The following CCDC7 variants were observed in gnomAD, a reference collection of about 807,000 sequenced individuals.
CCDC7 encodes coiled-coil domain containing 7.
Under a neutral mutation model 196.9 loss-of-function variants are expected in CCDC7, and 183 were observed. The observed-to-expected ratio is 0.93, with a 90% CI of 0.82 to 1.05. The LOEUF (loss-of-function observed/expected upper bound fraction) is 1.05, where lower values mean the gene tolerates loss of function less well. CCDC7 is among the 50% of genes least tolerant of loss of function. The probability of loss-of-function intolerance (pLI) is 0.00; values close to 1 mark genes in which losing one functional copy is unlikely to be tolerated. For synonymous variants in CCDC7, 525 were observed against 484.6 expected (o/e 1.08, Z -1.10); for missense variants, 1,540 against 1,482.2 (o/e 1.04, Z -0.64).
intron 11 of CCDC7, among the ~76,000 whole-genome samples, chr10:32,538,497 C>T (rs1455469204): frequency 2.0e-5 from 3 of 152,312 alleles, no homozygotes; most frequent in East Asian, 1.9e-4. Context: ...CCCGATTGCT[C>T]TTGCCAGGAC....
intron 8 of CCDC7, among the ~76,000 whole-genome samples, chr10:32,491,371 C>G (rs977617521): frequency 6.6e-6 from 1 of 152,032 alleles, no homozygotes. Context: ...CCCAATAGTT[C>G]ATTGATTATT....
intron 9 of CCDC7, among the ~76,000 whole-genome samples, chr10:32,492,971 A>G (rs1589151491): frequency 6.6e-6 from 1 of 152,102 alleles, no homozygotes; most frequent in Non-Finnish European, 1.5e-5. Flanking sequence ...ACAAAATTAT[A>G]TATATTTATG....
Position 32,875,603 on chromosome 10 carries a change from C to T in CCDC7, c.4112-744C>T, listed in dbSNP as rs551104292. Among the ~76,000 whole-genome samples, 6 of 151,964 alleles carry T rather than the reference C, an allele frequency of 3.9e-5. No individual in the cohort carries two copies. In the South Asian group the frequency reaches 1.2e-3, roughly 32 times the overall value. On this transcript the variant is annotated intron_variant, in intron 41 of 41. Transcript: ENST00000639629. Reference sequence around the variant, plus strand: ...CAAATCAATCAAATTATTTTTAAGTCCTTTATATTTAGATCTATCATAGCT... The same window carrying T: ...CAAATCAATCAAATTATTTTTAAGTTCTTTATATTTAGATCTATCATAGCT...
At chr10:32,705,566 G>C (rs546134820) in intron 24 of CCDC7, among the ~76,000 whole-genome samples, 6 of 152,104 alleles carry the variant, frequency 3.9e-5, no homozygotes, top group African/African-American at 1.4e-4. Flanking sequence ...GCTATATTCA[G>C]GAGACCCATC....
At chr10:32,718,213 G>GC (rs777173003) in intron 25 of CCDC7, among the ~76,000 whole-genome samples, 169 of 152,284 alleles carry the variant, frequency 1.1e-3, no homozygotes, top group Non-Finnish European at 2.0e-3. Flanking sequence ...TCCCTGGGAT[G>GC]CAAGACTGGT....
chr10:32,759,241 T>G (rs1405935190), intron 28 of CCDC7, among the ~76,000 whole-genome samples: 4 of 152,146 alleles, frequency 2.6e-5, no homozygotes, highest in Non-Finnish European at 5.9e-5. Context: ...TGGAGAAAAC[T>G]ACTTTAAAGT....
chr10:32,506,076 C>T (rs1259255358), intron 9 of CCDC7, among the ~76,000 whole-genome samples: 10 of 143,812 alleles, frequency 7.0e-5, no homozygotes, highest in East Asian at 2.2e-4. Context: ...GGGTGGCGGC[C>T]GGGCAGAGGT....
chr10:32,564,199 G>T (rs1589946037), intron 13 of CCDC7, among the ~76,000 whole-genome samples: 4 of 152,176 alleles, frequency 2.6e-5, no homozygotes, highest in Non-Finnish European at 5.9e-5. Context: ...TTACACTGTT[G>T]GTGGGACTGT....
intron 41 of CCDC7, 103 bp from the exon 43 acceptor site, chr10:32,876,244 T>C: frequency 2.5e-6 from 2 of 810,284 alleles, no homozygotes; most frequent in Non-Finnish European, 4.0e-6. Context: ...TTGTTTATAT[T>C]ATTCATACAT....
intron 8 of CCDC7, among the ~76,000 whole-genome samples, chr10:32,483,928 G>A (rs867909846): frequency 4.6e-5 from 7 of 152,124 alleles, no homozygotes; most frequent in South Asian, 2.1e-4. Flanking sequence ...GTCAGGTAGC[G>A]TGATGCCTCC....
At chr10:32,686,763 G>A (rs1344481889) in intron 22 of CCDC7, among the ~76,000 whole-genome samples, 1 of 152,124 alleles carries the variant, frequency 6.6e-6, no homozygotes, top group Non-Finnish European at 1.5e-5. Context: ...ATTCCTCTTG[G>A]GTAACAAGGT....
At chr10:32,554,787 A>G (rs1463981923) in intron 13 of CCDC7, among the ~76,000 whole-genome samples, 1 of 152,104 alleles carries the variant, frequency 6.6e-6, no homozygotes, top group Non-Finnish European at 1.5e-5. Context: ...TGTGCTATCA[A>G]ATACTAGATC....
intron 21 of CCDC7, chr10:32,675,613 CT>C (rs1476968648): frequency 5.9e-5 from 9 of 152,430 alleles, no homozygotes; most frequent in African/African-American, 1.7e-4. Flanking sequence ...GATATTTATA[CT>C]TTCATATACT....
chr10:32,700,778 G>T (rs944346602), intron 24 of CCDC7, among the ~76,000 whole-genome samples: 2 of 152,158 alleles, frequency 1.3e-5, no homozygotes, highest in African/African-American at 4.8e-5. Flanking sequence ...CACATCCCTT[G>T]TAAGTTGGAT....
At chr10:32,507,295 T>A (rs560520842) in intron 9 of CCDC7, among the ~76,000 whole-genome samples, 1 of 151,492 alleles carries the variant, frequency 6.6e-6, no homozygotes, top group South Asian at 2.1e-4. Context: ...CTGGCCTGTG[T>A]GTTCTTAAAG....
chr10:32,855,200 G>A (rs969622697), intron 41 of CCDC7, among the ~76,000 whole-genome samples: 5 of 132,218 alleles, frequency 3.8e-5, no homozygotes, highest in East Asian at 3.9e-4. Context: ...ACAGAAAAAT[G>A]TAAGTTTTTT....
At chr10:32,868,578 T>TA (rs2094298462) in intron 41 of CCDC7, among the ~76,000 whole-genome samples, 1 of 152,010 alleles carries the variant, frequency 6.6e-6, no homozygotes, top group East Asian at 1.9e-4. Context: ...TTATTCTTTT[T>TA]TTTTAATACT....
chr10:32,746,656 A>G (rs181860280), intron 28 of CCDC7, among the ~76,000 whole-genome samples: 1 of 152,212 alleles, frequency 6.6e-6, no homozygotes, highest in African/African-American at 2.4e-5. Context: ...ACAGTCTCCA[A>G]TGCCCAATTG....
At chr10:32,726,766 G>T in exon 26 of CCDC7, 1 of 1,602,614 alleles carries the variant, frequency 6.2e-7, no homozygotes, top group Non-Finnish European at 8.5e-7. Flanking sequence ...TGTTCATCAA[G>T]ATTCAGTGTC....
Sources: allele counts gnomAD v4.1 joint callset (sites outside exome capture counted in the v4.1 genomes callset), GRCh38; gene constraint gnomAD v4.1.1; transcripts MANE v1.5; gene names NCBI Gene and HGNC (gene_info 2026-07-23, HGNC 2026-07-21).